Variants in HORMAD2 observed in about 807,000 individuals in gnomAD.
HORMAD2 encodes HORMA domain containing 2.
Under a neutral mutation model 38.8 loss-of-function variants are expected in HORMAD2, and 45 were observed. That is an observed-to-expected ratio of 1.16 (90% CI 0.91 to 1.49). The LOEUF (loss-of-function observed/expected upper bound fraction) is 1.49, where lower values mean the gene tolerates loss of function less well. Ranked by LOEUF, HORMAD2 falls within the 40% of genes most tolerant of loss-of-function variation. The pLI, the probability that HORMAD2 is intolerant of heterozygous loss-of-function variation, is 0.00. For synonymous variants in HORMAD2, 126 were observed against 122.8 expected (o/e 1.03, Z -0.17); for missense variants, 338 against 367.0 (o/e 0.92, Z 0.65).
chr22:30,087,939 A>G (rs1312457350), intron 1 of HORMAD2, among the ~76,000 whole-genome samples: 1 of 152,040 alleles, frequency 6.6e-6, no homozygotes, highest in African/African-American at 2.4e-5. Context: ...GGCTCTTTCT[A>G]CTAGATTATA....
chr22:30,104,220 T>G (rs1285874191), intron 4 of HORMAD2, among the ~76,000 whole-genome samples, 181 bp from the exon 5 acceptor site: 1 of 152,192 alleles, frequency 6.6e-6, no homozygotes, highest in African/African-American at 2.4e-5. Context: ...CACTATTACT[T>G]ATAAAGGTCT....
At position 30,146,217 on chromosome 22, in the gene HORMAD2, G is replaced by A. The variant is rs117302494; in HGVS notation, c.819+24003G>A. Among the ~76,000 whole-genome samples the A allele has an allele frequency of 6.8e-4, 103 of 152,326 alleles. 1 individual carries two copies. In the East Asian group the frequency reaches 0.013, roughly 19 times the overall value. On this transcript the variant is annotated intron_variant, in intron 10 of 10. Coordinates refer to ENST00000336726, the MANE Select transcript of HORMAD2 (RefSeq NM_152510.4). ...TTGAAAATATGAAAGCTTTGGCCAG[G>A]CGCAGTGGCTCATGCCTGTAATCCT... is the stretch of plus-strand genomic sequence containing the variant.
intron 10 of HORMAD2, among the ~76,000 whole-genome samples, chr22:30,126,085 C>T (rs1263118129): frequency 6.6e-6 from 1 of 152,158 alleles, no homozygotes; most frequent in African/African-American, 2.4e-5. Context: ...CTATTCTGCT[C>T]ACAAGAATAT....
At chr22:30,110,833 G>A (rs1921578410) in intron 5 of HORMAD2, among the ~76,000 whole-genome samples, 1 of 151,844 alleles carries the variant, frequency 6.6e-6, no homozygotes, top group African/African-American at 2.4e-5. Context: ...TGTATCTGTG[G>A]CTTCCACATC....
At position 30,121,780 on chromosome 22, in the gene HORMAD2, T is replaced by C. The variant is rs769400529; in HGVS notation, c.559T>C (p.Tyr187His). The stretch of plus-strand genomic sequence containing the variant: ...TGTACTTACTATGAAACTCCACTAC[T>C]ATAATGCAGGTAGGTAGAGAACTTT... The part of the protein sequence containing the change: ...NVVLTMKLHY[Y>H]NAVTPHDYQP... Residue 187 changes from tyrosine (Y) to histidine (H), a missense_variant, in exon 9 of 11, where the codon TAT becomes CAT. Coordinates refer to ENST00000336726, the MANE Select transcript of HORMAD2 (RefSeq NM_152510.4). 3.7e-6 allele frequency: 6 copies of C among 1,609,718 alleles called. No homozygotes were observed. The highest frequency in any genetic ancestry group is 4.2e-6 in the Non-Finnish European group (5 of 1,178,556).
At chr22:30,166,395 A>G (rs9620955) in intron 10 of HORMAD2, among the ~76,000 whole-genome samples, 15,406 of 152,248 alleles carry the variant, frequency 0.1, 819 homozygotes, top group South Asian at 0.18. Flanking sequence ...ACATGTGGCT[A>G]TTGAGCACCA....
intron 10 of HORMAD2, among the ~76,000 whole-genome samples, chr22:30,173,017 T>A (rs1926210991): frequency 6.6e-6 from 1 of 151,860 alleles, no homozygotes; most frequent in Admixed American, 6.6e-5. Context: ...TGTGGGGGTG[T>A]CAGGGAAGCC....
At chr22:30,079,513 T>C (rs969961138), upstream of HORMAD2, among the ~76,000 whole-genome samples, 2 of 152,210 alleles carry the variant, frequency 1.3e-5, no homozygotes, top group African/African-American at 4.8e-5. Flanking sequence ...CTTTTCTTTT[T>C]TTTTATTTTT....
At chr22:30,151,139 G>T (rs1036485817) in intron 10 of HORMAD2, among the ~76,000 whole-genome samples, 1 of 152,078 alleles carries the variant, frequency 6.6e-6, no homozygotes, top group East Asian at 1.9e-4. Flanking sequence ...GGTTTCTTGG[G>T]TCTGCTATTT....
intron 10 of HORMAD2, among the ~76,000 whole-genome samples, chr22:30,163,870 G>A (rs978951742): frequency 6.6e-6 from 1 of 151,972 alleles, no homozygotes; most frequent in Non-Finnish European, 1.5e-5. Flanking sequence ...ACATTGTTGT[G>A]CAACTGTCAC....
downstream of HORMAD2, among the ~76,000 whole-genome samples, chr22:30,178,347 C>T (rs1281563912): frequency 6.6e-6 from 1 of 152,276 alleles, no homozygotes; most frequent in African/African-American, 2.4e-5. Context: ...TTTATCACTG[C>T]CAGTAGGTGG....
the HORMAD2 span, among the ~76,000 whole-genome samples, chr22:30,205,190 T>C: frequency 6.6e-6 from 1 of 152,128 alleles, no homozygotes; most frequent in Non-Finnish European, 1.5e-5. Flanking sequence ...GTGGCAATGA[T>C]TGCACCCACT....
chr22:30,088,946 G>A (rs1054089822), intron 1 of HORMAD2, among the ~76,000 whole-genome samples: 3 of 151,940 alleles, frequency 2.0e-5, no homozygotes, highest in Non-Finnish European at 4.4e-5. Flanking sequence ...TAGATATGAA[G>A]GTTATAGTCT....
At chr22:30,180,241 A>G (rs1029147214), downstream of HORMAD2, among the ~76,000 whole-genome samples, 1 of 152,120 alleles carries the variant, frequency 6.6e-6, no homozygotes, top group Non-Finnish European at 1.5e-5. Context: ...TCAGCAGTGC[A>G]TGGGTTTTTC....
At chr22:30,098,731 A>G (rs981894723) in intron 2 of HORMAD2, 121 bp from the exon 3 acceptor site, 2 of 753,112 alleles carry the variant, frequency 2.7e-6, no homozygotes, top group Non-Finnish European at 3.9e-6. Context: ...CTTTTTGATT[A>G]CCTTCAAAGA....
the HORMAD2 span, chr22:30,184,547 T>C: frequency 6.6e-6 from 1 of 152,278 alleles, no homozygotes. Flanking sequence ...AAATGCTATT[T>C]TAATGTTTTG....
At chr22:30,129,217 CAAAAAAAAAAAA>C (rs750796623) in intron 10 of HORMAD2, among the ~76,000 whole-genome samples, 4 of 22,642 alleles carry the variant, frequency 1.8e-4, no homozygotes, top group Non-Finnish European at 3.5e-4. Flanking sequence ...GACTCTATCT[CAAAAAAAAAAAA>C]AAAAAAAAAA....
intron 8 of HORMAD2, among the ~76,000 whole-genome samples, chr22:30,121,289 C>T (rs1272412874): frequency 1.3e-5 from 2 of 152,190 alleles, no homozygotes; most frequent in African/African-American, 4.8e-5. Context: ...GTCTAAATGA[C>T]TTGACCAAGG....
chr22:30,196,809 G>A, the HORMAD2 span, among the ~76,000 whole-genome samples: 1 of 152,198 alleles, frequency 6.6e-6, no homozygotes, highest in African/African-American at 2.4e-5. Flanking sequence ...GCTAGGACAT[G>A]TATAAATCCC....
Sources: gnomAD v4.1 joint callset for allele counts (sites outside exome capture counted in the v4.1 genomes callset) on GRCh38, gnomAD v4.1.1 for gene constraint, MANE v1.5 for transcripts, NCBI Gene and HGNC (gene_info 2026-07-23, HGNC 2026-07-21) for gene names.